Variants in ATOSA observed in about 807,000 individuals in gnomAD.
ATOSA encodes the protein atos homolog A.
At chr15:52,614,807 C>T in the ATOSA span, among the ~76,000 whole-genome samples, 1 of 151,746 alleles carries the variant, frequency 6.6e-6, no homozygotes, top group Non-Finnish European at 1.5e-5. Flanking sequence ...AAGATCACCC[C>T]ATTGCACTCC....
At chr15:52,648,945 A>G in the ATOSA span, among the ~76,000 whole-genome samples, 1 of 152,148 alleles carries the variant, frequency 6.6e-6, no homozygotes, top group Non-Finnish European at 1.5e-5. Context: ...GAACAGAAAG[A>G]TATTTCCAGT....
chr15:52,586,959 C>T, the ATOSA span: 1 of 1,148,398 alleles, frequency 8.7e-7, no homozygotes, highest in Non-Finnish European at 1.2e-6. Context: ...CCTTGATTAG[C>T]TTATTAATGC....
the ATOSA span, among the ~76,000 whole-genome samples, chr15:52,643,935 C>A: frequency 1.3e-5 from 2 of 151,060 alleles, no homozygotes; most frequent in Admixed American, 6.6e-5. Flanking sequence ...CAAAAAAAAA[C>A]AAAAAAACCC....
the ATOSA span, among the ~76,000 whole-genome samples, chr15:52,654,061 C>A: frequency 3.5e-3 from 539 of 152,194 alleles, 2 homozygotes; most frequent in African/African-American, 0.012. Flanking sequence ...CTTTTCCTAT[C>A]TCCTATAATA....
the ATOSA span, among the ~76,000 whole-genome samples, chr15:52,639,886 G>A: frequency 6.6e-6 from 1 of 151,690 alleles, no homozygotes; most frequent in African/African-American, 2.4e-5. Context: ...AAGTAGCTAG[G>A]ATTACAGGCA....
chr15:52,641,933 G>A, the ATOSA span, among the ~76,000 whole-genome samples: 1 of 152,136 alleles, frequency 6.6e-6, no homozygotes, highest in African/African-American at 2.4e-5. Flanking sequence ...TGACTCTGTG[G>A]TCATTATCAT....
the ATOSA span, among the ~76,000 whole-genome samples, chr15:52,697,975 T>TTTTTTTTTTTTTTTTTTG: frequency 8.2e-6 from 1 of 121,318 alleles, no homozygotes; most frequent in Admixed American, 8.4e-5. Flanking sequence ...TTTTTTTTTT[T>TTTTTTTTTTTTTTTTTTG]TTTTTTTTTT....
the ATOSA span, among the ~76,000 whole-genome samples, chr15:52,626,482 C>T: frequency 1.5e-5 from 2 of 133,526 alleles, no homozygotes; most frequent in Admixed American, 1.6e-4. Flanking sequence ...CCTTTATCAT[C>T]AAAGAGAAAT....
At chr15:52,582,620 C>G in the ATOSA span, among the ~76,000 whole-genome samples, 1 of 152,176 alleles carries the variant, frequency 6.6e-6, no homozygotes, top group African/African-American at 2.4e-5. Flanking sequence ...TGCACCTTTC[C>G]TCATCTGCAG....
the ATOSA span, among the ~76,000 whole-genome samples, chr15:52,685,030 A>G: frequency 6.6e-6 from 1 of 152,252 alleles, no homozygotes; most frequent in Non-Finnish European, 1.5e-5. Context: ...AGTACTTTAG[A>G]TATGTTGGGT....
chr15:52,697,812 T>C, the ATOSA span, among the ~76,000 whole-genome samples: 1 of 151,714 alleles, frequency 6.6e-6, no homozygotes, highest in African/African-American at 2.4e-5. Flanking sequence ...ATCCAAGTGG[T>C]CAAAATTATG....
At chr15:52,676,465 T>C in the ATOSA span, among the ~76,000 whole-genome samples, 1 of 152,190 alleles carries the variant, frequency 6.6e-6, no homozygotes, top group Admixed American at 6.5e-5. Flanking sequence ...TATTTCAATA[T>C]TTCTGTACTA....
chr15:52,582,805 C>CA, the ATOSA span, among the ~76,000 whole-genome samples: 1 of 152,270 alleles, frequency 6.6e-6, no homozygotes, highest in East Asian at 1.9e-4. Context: ...AAAACCCAGC[C>CA]ACCATCAAAA....
At chr15:52,600,044 C>A in the ATOSA span, 2 of 533,504 alleles carry the variant, frequency 3.7e-6, no homozygotes, top group Non-Finnish European at 3.3e-6. Context: ...CTTTTCACAA[C>A]CAAAGTTAAA....
At chr15:52,605,556 A>G in the ATOSA span, among the ~76,000 whole-genome samples, 1 of 152,196 alleles carries the variant, frequency 6.6e-6, no homozygotes, top group African/African-American at 2.4e-5. Flanking sequence ...TCAGCAATCA[A>G]AAAGTTTGGG....
chr15:52,696,131 C>A, the ATOSA span, among the ~76,000 whole-genome samples: 1 of 152,228 alleles, frequency 6.6e-6, no homozygotes, highest in South Asian at 2.1e-4. Context: ...GATAGTGGGG[C>A]AAGGGGAGAC....
chr15:52,666,898 T>C, the ATOSA span, among the ~76,000 whole-genome samples: 12 of 151,994 alleles, frequency 7.9e-5, no homozygotes, highest in Non-Finnish European at 8.8e-5. Flanking sequence ...ATGAATTAGC[T>C]GTACTCTTTG....
chr15:52,609,103 T>C, the ATOSA span: 37 of 1,613,510 alleles, frequency 2.3e-5, 1 homozygote, highest in South Asian at 3.8e-4. Flanking sequence ...ACTAGAACTT[T>C]TGTTCTGTGT....
the ATOSA span, among the ~76,000 whole-genome samples, chr15:52,627,259 A>C: frequency 6.6e-6 from 1 of 152,204 alleles, no homozygotes; most frequent in African/African-American, 2.4e-5. Flanking sequence ...GTACCCTGTC[A>C]CAAACTGCAC....
Sources: allele counts gnomAD v4.1 joint callset (sites outside exome capture counted in the v4.1 genomes callset), GRCh38; gene constraint gnomAD v4.1.1; transcripts MANE v1.5; gene names NCBI Gene and HGNC (gene_info 2026-07-23, HGNC 2026-07-21).